DEDD: variants seen among roughly 807,000 people sequenced by gnomAD.
DEDD encodes death effector domain containing, also known as death effector domain-containing protein.
In DEDD, 3 loss-of-function variants were observed where a neutral mutation model predicts 29.2. The ratio of observed to expected loss-of-function variants is 0.10; its 90% CI spans 0.05 to 0.27. The LOEUF is 0.27. Among genes scored for constraint, DEDD ranks in the 10% least tolerant of loss-of-function variants. The probability of loss-of-function intolerance (pLI) is 1.00; values close to 1 mark genes in which losing one functional copy is unlikely to be tolerated. For missense variants in DEDD, 261 were observed against 420.5 expected, an observed-to-expected ratio of 0.62 and a Z score of 3.32; for synonymous variants, 152 against 161.3, an observed-to-expected ratio of 0.94 and a Z score of 0.44.
At chr1:161,131,561 C>G (rs1263508185) in intron 1 of DEDD, among the ~76,000 whole-genome samples, 1 of 152,154 alleles carries the variant, frequency 6.6e-6, no homozygotes, top group African/African-American at 2.4e-5. Context: ...CTCCCCCACT[C>G]TTGTATTGCT....
intron 2 of DEDD, among the ~76,000 whole-genome samples, chr1:161,128,043 A>ATTCTATAAGC (rs1315626618): frequency 3.0e-4 from 45 of 152,314 alleles, no homozygotes; most frequent in African/African-American, 9.9e-4. Context: ...AATGGATGTA[A>ATTCTATAAGC]TTCTATAAGC....
chr1:161,121,299 C>A lies in DEDD; in HGVS notation c.*848G>T, dbSNP rs889377193. On this transcript the variant is annotated 3_prime_UTR_variant, in exon 6 of 6. Transcript: ENST00000368006. ...CACTTACACCTATGATGCCCTTTGC[C>A]CAAGCCAGAAGAAAGCAAAGGGGAA... is the stretch of plus-strand genomic sequence containing the variant. 21 of 529,174 alleles carry A rather than the reference C, an allele frequency of 4.0e-5. No homozygotes were observed. The highest frequency in any genetic ancestry group is 3.9e-4 in the African/African-American group (19 of 48,304). The allele number at this position is 529,174 out of a possible 1,614,324, so 32.8% of individuals were successfully genotyped here.
intron 1 of DEDD, 46 bp downstream of exon 1, chr1:161,132,504 GT>G (rs1656781331): frequency 6.7e-6 from 1 of 148,642 alleles, no homozygotes; most frequent in Admixed American, 6.7e-5. Context: ...GCCCCGCCCC[GT>G]CCCGCTCGAC....
Position 161,121,936 on chromosome 1 carries a change from T to C in DEDD, c.*211A>G. 1.7e-6 allele frequency: 1 copy of C among 582,058 alleles called. No homozygotes were observed. Among genetic ancestry groups the C allele is most frequent in the Non-Finnish European group, 2.9e-6 (1 of 341,514 alleles). 36.1% of individuals were successfully genotyped at this position (582,058 alleles called of 1,614,324 possible). ...CTGTAGAGACACATTACGGGGTAAA[T>C]GGAAAAGGGAAATAAAGGGGAAGCC... On this transcript the variant is annotated 3_prime_UTR_variant, in exon 6 of 6. Coordinates refer to ENST00000368006, the MANE Select transcript of DEDD (RefSeq NM_032998.3).
intron 3 of DEDD, 73 bp from the exon 4 acceptor site, chr1:161,124,019 C>A: frequency 6.3e-7 from 1 of 1,586,950 alleles, no homozygotes; most frequent in Non-Finnish European, 8.6e-7. Context: ...CCCAGTGGGC[C>A]TCACAACTTA....
At position 161,132,628 on chromosome 1, in the gene DEDD, G is replaced by C. The variant is rs544144919; in HGVS notation, c.-175C>G. 1 of 166,434 alleles carries C rather than the reference G, an allele frequency of 6.0e-6. No individual in the cohort carries two copies. The highest frequency in any genetic ancestry group is 1.3e-5 in the Non-Finnish European group (1 of 79,410). The allele number at this position is 166,434 out of a possible 1,614,324, so 10.3% of individuals were successfully genotyped here. ...GGGCCTGCCTCACGGCGCCGCATCCGGGCTCCAGCAGCCGCCGCCGCCGCC... is the reference window on the plus strand; with the variant it reads ...GGGCCTGCCTCACGGCGCCGCATCCCGGCTCCAGCAGCCGCCGCCGCCGCC... On this transcript the variant is annotated 5_prime_UTR_variant, in exon 1 of 6. Coordinates refer to ENST00000368006, the MANE Select transcript of DEDD (RefSeq NM_032998.3).
chr1:161,131,640 A>G (rs1322723834), intron 1 of DEDD, among the ~76,000 whole-genome samples: 1 of 152,166 alleles, frequency 6.6e-6, no homozygotes, highest in African/African-American at 2.4e-5. Context: ...CATTTTCCCA[A>G]GCAGGAAAAA....
At chr1:161,131,832 T>G (rs1226211988) in intron 1 of DEDD, among the ~76,000 whole-genome samples, 2 of 151,868 alleles carry the variant, frequency 1.3e-5, no homozygotes, top group Non-Finnish European at 2.9e-5. Context: ...TCTCCTCCTC[T>G]CCACCGGGGA....
At position 161,122,788 on chromosome 1, in the gene DEDD, A is replaced by G. The variant is rs1264359598; in HGVS notation, c.581-265T>C. ...CTTGTTTATAGGAGATATTTTCCTAATTACCAGGCATAGAAGTTCATTTTA... is the reference window on the plus strand; with the variant it reads ...CTTGTTTATAGGAGATATTTTCCTAGTTACCAGGCATAGAAGTTCATTTTA... On this transcript the variant is annotated intron_variant, in intron 5 of 5. Coordinates refer to ENST00000368006, the MANE Select transcript of DEDD (RefSeq NM_032998.3). This position sits in a 1 kb window ranked among gnomAD's most constrained non-coding sequence, Gnocchi z 4.2. Among the ~76,000 whole-genome samples the G allele has an allele frequency of 6.6e-6, 1 of 152,206 alleles. No individual in the cohort carries two copies. Among genetic ancestry groups the G allele is most frequent in the Admixed American group, 6.5e-5 (1 of 15,288 alleles).
At position 161,122,256 on chromosome 1, in the gene DEDD, T is replaced by C; in HGVS notation, c.848A>G (p.Gln283Arg). Residue 283 changes from glutamine (Q) to arginine (R), a missense_variant, in exon 6 of 6, where the codon CAA becomes CGA. This residue lies in a region of DEDD where 58 missense variants were observed against 151.8 expected (regional missense o/e 0.38). Coordinates refer to ENST00000368006, the MANE Select transcript of DEDD (RefSeq NM_032998.3). This position sits in a 1 kb window ranked among gnomAD's most constrained non-coding sequence, Gnocchi z 4.2. ...KGVFITDSLK[Q>R]AVGHEAIKLL... ...CTTGATGGCTTCATGGCCCACAGCTTGCTTGAGGGAGTCTGTGATGAAGAC... is the reference window on the plus strand; with the variant it reads ...CTTGATGGCTTCATGGCCCACAGCTCGCTTGAGGGAGTCTGTGATGAAGAC... 1 of 1,614,220 alleles carries C rather than the reference T, an allele frequency of 6.2e-7. No individual in the cohort carries two copies. Among genetic ancestry groups the C allele is most frequent in the Non-Finnish European group, 8.5e-7 (1 of 1,180,044 alleles).
intron 2 of DEDD, among the ~76,000 whole-genome samples, chr1:161,127,687 G>T (rs182115001): frequency 6.6e-6 from 1 of 152,202 alleles, no homozygotes; most frequent in Non-Finnish European, 1.5e-5. Flanking sequence ...TCTTCCTCTC[G>T]ATTCACCTGT....
rs909080200 is a variant in DEDD at position 161,123,853 on chromosome 1, T to C, written c.419A>G (p.Gln140Arg). Residue 140 changes from glutamine (Q) to arginine (R), a missense_variant, in exon 4 of 6, where the codon CAG becomes CGG. By Grantham distance (43) the Gln-to-Arg change is conservative (BLOSUM62 1). This residue lies in a region of DEDD where 203 missense variants were observed against 268.7 expected (regional missense o/e 0.76). Transcript: ENST00000368006. Reference sequence around the variant, plus strand: ...TGTCTTCTCACCTGTTTTAGAGGGCTGGGGAGGCCTTGGTTCTGGATCACT... The same window carrying C: ...TGTCTTCTCACCTGTTTTAGAGGGCCGGGGAGGCCTTGGTTCTGGATCACT... ...ALSDPEPRPP[Q>R]PSKTVPPHYP... 1.2e-6 allele frequency: 2 copies of C among 1,613,802 alleles called. No homozygotes were observed. Among genetic ancestry groups the C allele is most frequent in the Non-Finnish European group, 1.7e-6 (2 of 1,179,942 alleles).
At chr1:161,125,943 C>G (rs1656123643) in intron 2 of DEDD, among the ~76,000 whole-genome samples, 1 of 152,182 alleles carries the variant, frequency 6.6e-6, no homozygotes, top group Non-Finnish European at 1.5e-5. Flanking sequence ...ACAGGTAATA[C>G]CAATGACGCA....
chr1:161,124,022 A>G, intron 3 of DEDD, 76 bp from the exon 4 acceptor site: 1 of 1,586,182 alleles, frequency 6.3e-7, no homozygotes, highest in Non-Finnish European at 8.6e-7. Context: ...AGTGGGCCTC[A>G]CAACTTACTC....
At chr1:161,124,749 C>T in intron 2 of DEDD, 1 of 413,900 alleles carries the variant, frequency 2.4e-6, no homozygotes, top group Non-Finnish European at 3.9e-6. Context: ...ATCACTTGAG[C>T]CCAGGCGTTT....
rs750309176 is a variant in DEDD, at chr1:161,122,358, T to C, written c.746A>G (p.Lys249Arg). The C allele has an allele frequency of 1.2e-6, 2 of 1,614,074 alleles. No individual in the cohort carries two copies. The highest frequency in any genetic ancestry group is 1.7e-6 in the Non-Finnish European group (2 of 1,180,046). The change falls in exon 6 of 6, where the codon AAG becomes AGG. Residue 249 changes from lysine (K) to arginine (R), a missense_variant. By Grantham distance (26) the Lys-to-Arg change is conservative (BLOSUM62 2). Coordinates refer to ENST00000368006, the MANE Select transcript of DEDD (RefSeq NM_032998.3). This position sits in a 1 kb window ranked among gnomAD's most constrained non-coding sequence, Gnocchi z 4.2. ...ATCGAGGTAGGTGAGCTCAGAGAAC[T>C]TGATGTCACAGATGATGGAGCCCAG... ...RDLGSIICDI[K>R]FSELTYLDAF...
chr1:161,123,037 A>C (rs766988478), intron 5 of DEDD, 38 bp downstream of exon 5: 6 of 1,614,178 alleles, frequency 3.7e-6, no homozygotes, highest in Middle Eastern at 1.6e-4. Context: ...ATTCTCCTTC[A>C]AGTCTGCTCC....
intron 2 of DEDD, among the ~76,000 whole-genome samples, chr1:161,125,690 T>C (rs1295179513): frequency 6.6e-6 from 1 of 152,140 alleles, no homozygotes; most frequent in East Asian, 1.9e-4. Context: ...TTAGTAGAGA[T>C]GGGTTTTTAC....
rs575273486 is a variant in DEDD at position 161,125,659 on chromosome 1, G to A, written c.-64-1133C>T. Among the ~76,000 whole-genome samples the A allele has an allele frequency of 1.1e-4, 17 of 152,138 alleles. No individual in the cohort carries two copies. In the East Asian group the frequency reaches 3.1e-3, roughly 28 times the overall value. On this transcript the variant is annotated intron_variant, in intron 2 of 5. Transcript: ENST00000368006. ...TGGGATTACAGGCACGCACCACCAC[G>A]TCTTGCTAATTTTTGTATTTTTAGT...
Sources: allele counts gnomAD v4.1 joint callset (sites outside exome capture counted in the v4.1 genomes callset), GRCh38; gene constraint gnomAD v4.1.1; regional missense constraint gnomAD v4.1.1; non-coding constraint Gnocchi (gnomAD v3.1); transcripts MANE v1.5; gene names NCBI Gene and HGNC (gene_info 2026-07-23, HGNC 2026-07-21).